Variants in PRKDC observed in about 807,000 individuals in gnomAD.
The protein encoded by PRKDC is protein kinase, DNA-activated, catalytic subunit.
A neutral mutation model predicts 486.9 loss-of-function variants in PRKDC; 82 were observed. The ratio of observed to expected loss-of-function variants is 0.17; its 90% CI spans 0.14 to 0.20. PRKDC has a LOEUF of 0.20. PRKDC is among the 10% of genes least tolerant of loss of function. The pLI is 1.00. For missense variants in PRKDC, 4,504 were observed against 5,038.2 expected (o/e 0.89, Z 3.21); for synonymous variants, 1,895 against 1,837.0 (o/e 1.03, Z -0.81).
At chr8:47,878,300 T>C (rs1015346065) in intron 39 of PRKDC, among the ~76,000 whole-genome samples, 3 of 151,988 alleles carry the variant, frequency 2.0e-5, no homozygotes, top group African/African-American at 7.3e-5. Flanking sequence ...AGAGACGGGG[T>C]TTCACCGTGT....
intron 46 of PRKDC, 82 bp downstream of exon 46, chr8:47,859,529 T>C (rs2088623801): frequency 2.0e-6 from 3 of 1,475,682 alleles, no homozygotes; most frequent in South Asian, 1.3e-5. Flanking sequence ...ACTGGCTTCC[T>C]GTAGTAACAG....
intron 32 of PRKDC, among the ~76,000 whole-genome samples, chr8:47,889,568 C>G (rs200112169): frequency 6.6e-6 from 1 of 152,238 alleles, no homozygotes; most frequent in South Asian, 2.1e-4. Flanking sequence ...CAGGGCCTGG[C>G]GTGCCACAGG....
At chr8:47,891,828 AT>A (rs1346533618) in intron 31 of PRKDC, among the ~76,000 whole-genome samples, 5 of 152,220 alleles carry the variant, frequency 3.3e-5, no homozygotes, top group African/African-American at 4.8e-5. Flanking sequence ...GAAAATGTAC[AT>A]TTTAGAATAA....
rs1436252621 is a variant in PRKDC, at chr8:47,778,519, G to A, written c.11793C>T (p.Ala3931=). Residue 3931 remains alanine (A), a synonymous_variant, in exon 83 of 86, where the codon GCC becomes GCT. Transcript: ENST00000314191. ...GDRHLNNFMV[A]METGGVIGID... is the part of the protein sequence containing the mutation. ...TCCCGATCACGCCGCCAGTCTCCATGGCCACCATAAAGTTGTTCAGATGTC... is the reference window on the plus strand; with the variant it reads ...TCCCGATCACGCCGCCAGTCTCCATAGCCACCATAAAGTTGTTCAGATGTC... The A allele has an allele frequency of 6.2e-7, 1 of 1,613,698 alleles. No homozygotes were observed. The highest frequency in any genetic ancestry group is 1.3e-5 in the African/African-American group (1 of 74,940).
rs1248435564 is a variant in PRKDC at position 47,849,124 on chromosome 8, G to GTTT, written c.7280+29_7280+30insAAA. 3.1e-6 allele frequency: 5 copies of GTTT among 1,607,506 alleles called. No individual in the cohort carries two copies. In the African/African-American group the frequency reaches 5.4e-5, roughly 17 times the overall value. ...AAATTAACGCTTTATGAGCCAGTGG[G>GTTT]ACCCAAGAGCAGGGCTAGTGTTCAC... On this transcript the variant is annotated intron_variant, in intron 54 of 85. Transcript: ENST00000314191.
At chr8:47,937,245 T>C (rs1238091363) in intron 11 of PRKDC, among the ~76,000 whole-genome samples, 1 of 152,026 alleles carries the variant, frequency 6.6e-6, no homozygotes, top group African/African-American at 2.4e-5. Flanking sequence ...TGGGCAACAG[T>C]GAGGTTCCAC....
chr8:47,792,059 T>C (rs1177627169), intron 74 of PRKDC, among the ~76,000 whole-genome samples: 2 of 152,148 alleles, frequency 1.3e-5, no homozygotes, highest in African/African-American at 2.4e-5. Flanking sequence ...TGGATGGAAC[T>C]GAAGGACATT....
chr8:47,913,341 G>A (rs1159394838), intron 24 of PRKDC, among the ~76,000 whole-genome samples: 1 of 152,044 alleles, frequency 6.6e-6, no homozygotes, highest in Non-Finnish European at 1.5e-5. Context: ...ACTCTCAAAT[G>A]CCCTTTATGT....
chr8:47,902,633 G>T lies in PRKDC; in HGVS notation c.3205C>A (p.His1069Asn). ...LFKRLYSLAL[H>N]PNAFKRLGAS... Reference sequence around the variant, plus strand: ...CCCAGCCTCTTGAAAGCATTGGGGTGAAGCGCAAGGCTATAAAGTCGCTTG... The same window carrying T: ...CCCAGCCTCTTGAAAGCATTGGGGTTAAGCGCAAGGCTATAAAGTCGCTTG... Residue 1069 changes from histidine to asparagine, a missense_variant, in exon 27 of 86, where the codon CAC (histidine) becomes AAC (asparagine). Around this residue, in one of 6 missense-constraint regions of PRKDC, gnomAD observed 1,969 missense variants for 2,068.9 expected, o/e 0.95. Coordinates refer to ENST00000314191, the MANE Select transcript of PRKDC (RefSeq NM_006904.7). 6.2e-7 allele frequency: 1 copy of T among 1,612,738 alleles called. No individual in the cohort carries two copies. The highest frequency in any genetic ancestry group is 2.2e-5 in the East Asian group (1 of 44,874).
intron 54 of PRKDC, among the ~76,000 whole-genome samples, chr8:47,847,832 A>T (rs927293687): frequency 1.8e-4 from 27 of 151,732 alleles, no homozygotes; most frequent in African/African-American, 6.3e-4. Flanking sequence ...AAAATGAGCA[A>T]AAGACATGGA....
chr8:47,938,618 G>A (rs2090392304), intron 11 of PRKDC, among the ~76,000 whole-genome samples: 2 of 152,094 alleles, frequency 1.3e-5, no homozygotes, highest in African/African-American at 4.8e-5. Flanking sequence ...TTGGAGTGCA[G>A]TGGCTCGATC....
Position 47,936,437 on chromosome 8 carries a change from G to C in PRKDC, c.1194C>G (p.Thr398=). 1 of 1,613,986 alleles carries C rather than the reference G, an allele frequency of 6.2e-7. No homozygotes were observed. The highest frequency in any genetic ancestry group is 8.5e-7 in the Non-Finnish European group (1 of 1,179,896). The part of the protein sequence containing the change: ...LIQRCKQMFL[T]QTDTGDDRVY... Reference sequence around the variant, plus strand: ...CACGGTCGTCACCAGTGTCTGTCTGGGTGAGGAACATCTGCTTGCAGCGCT... The same window carrying C: ...CACGGTCGTCACCAGTGTCTGTCTGCGTGAGGAACATCTGCTTGCAGCGCT... The change falls in exon 12 of 86, where the codon ACC becomes ACG. Residue 398 remains threonine (T), a synonymous_variant. Coordinates refer to ENST00000314191, the MANE Select transcript of PRKDC (RefSeq NM_006904.7).
intron 68 of PRKDC, among the ~76,000 whole-genome samples, chr8:47,811,260 A>G (rs2087319796): frequency 6.6e-6 from 1 of 152,258 alleles, no homozygotes; most frequent in South Asian, 2.1e-4. Context: ...ACAGCAGCCA[A>G]AAGATACTAC....
intron 14 of PRKDC, among the ~76,000 whole-genome samples, chr8:47,934,521 C>T (rs1049403692): frequency 3.9e-5 from 6 of 152,058 alleles, no homozygotes; most frequent in Non-Finnish European, 8.8e-5. Flanking sequence ...GGTGACAGAG[C>T]GAGACTCTGT....
At chr8:47,927,711 T>C (rs2154503430) in intron 20 of PRKDC, 60 bp downstream of exon 20, 1 of 1,428,138 alleles carries the variant, frequency 7.0e-7, no homozygotes, top group Admixed American at 3.2e-5. Context: ...ATGGTGTTTC[T>C]ATGTGCTCTG....
At chr8:47,792,713 C>A (rs1028148736) in intron 74 of PRKDC, among the ~76,000 whole-genome samples, 14 of 152,118 alleles carry the variant, frequency 9.2e-5, no homozygotes, top group African/African-American at 2.9e-4. Flanking sequence ...CAAAATATCC[C>A]ATGTACCCCA....
At chr8:47,854,971 C>A (rs1260262806) in intron 50 of PRKDC, among the ~76,000 whole-genome samples, 2 of 152,208 alleles carry the variant, frequency 1.3e-5, no homozygotes, top group African/African-American at 4.8e-5. Context: ...ACCCCATGGG[C>A]CAACGGAAGG....
chr8:47,920,379 T>C (rs184909177), intron 21 of PRKDC, among the ~76,000 whole-genome samples: 208 of 151,930 alleles, frequency 1.4e-3, no homozygotes, highest in Non-Finnish European at 2.2e-3. Flanking sequence ...TTTGCAAGTA[T>C]GTGTCTATAA....
intron 85 of PRKDC, 124 bp downstream of exon 85, chr8:47,776,720 A>G (rs2086614254): frequency 1.4e-5 from 18 of 1,315,004 alleles, no homozygotes; most frequent in East Asian, 5.0e-5. Context: ...TTCCTCCTCA[A>G]TGAAAGCAGA....
Sources: gnomAD v4.1 joint callset for allele counts (sites outside exome capture counted in the v4.1 genomes callset) on GRCh38, gnomAD v4.1.1 for gene constraint, gnomAD v4.1.1 regional missense constraint, MANE v1.5 for transcripts, NCBI Gene and HGNC (gene_info 2026-07-23, HGNC 2026-07-21) for gene names.